The following DPP6 variants were observed in gnomAD, a reference collection of about 807,000 sequenced individuals.
DPP6 encodes the protein A-type potassium channel modulatory protein DPP6.
A neutral mutation model predicts 122.6 loss-of-function variants in DPP6; 69 were observed. That is an observed-to-expected ratio of 0.56 (90% CI 0.46 to 0.69). DPP6 has a LOEUF of 0.69. Ranked by LOEUF, DPP6 falls within the 30% of genes least tolerant of loss-of-function variation. The probability of loss-of-function intolerance (pLI) is 0.00; values close to 1 mark genes in which losing one functional copy is unlikely to be tolerated. For synonymous variants in DPP6, 418 were observed against 433.1 expected, an observed-to-expected ratio of 0.97 and a Z score of 0.43; for missense variants, 928 against 1,116.9, an observed-to-expected ratio of 0.83 and a Z score of 2.41.
chr7:154,159,237 G>T (rs1434818374), intron 1 of DPP6, among the ~76,000 whole-genome samples: 1 of 152,126 alleles, frequency 6.6e-6, no homozygotes, highest in Non-Finnish European at 1.5e-5. Context: ...GCCTCTTCTT[G>T]GCGTTCATCC....
chr7:153,983,571 G>A (rs1379737060), intron 1 of DPP6, among the ~76,000 whole-genome samples: 4 of 152,044 alleles, frequency 2.6e-5, no homozygotes, highest in Admixed American at 6.6e-5. Context: ...TGTCTCACTG[G>A]TGTTCCAGGA....
At chr7:154,594,161 G>T (rs182540693) in intron 5 of DPP6, among the ~76,000 whole-genome samples, 1 of 152,290 alleles carries the variant, frequency 6.6e-6, no homozygotes, top group Admixed American at 6.5e-5. Context: ...GCCCCTCATG[G>T]AGGATCTTCT....
chr7:154,394,271 G>C (rs1298552905), intron 1 of DPP6, among the ~76,000 whole-genome samples: 1 of 152,060 alleles, frequency 6.6e-6, no homozygotes, highest in African/African-American at 2.4e-5. Flanking sequence ...TTGTTTGTTT[G>C]TTTTTAACAG....
chr7:154,603,656 CAAAAA>C (rs779501891), intron 5 of DPP6, among the ~76,000 whole-genome samples: 4 of 24,986 alleles, frequency 1.6e-4, no homozygotes, highest in African/African-American at 3.3e-4. Flanking sequence ...AACTCTGTCT[CAAAAA>C]AAAAAAAAAA....
chr7:154,561,267 T>C (rs1830410141), intron 4 of DPP6, among the ~76,000 whole-genome samples: 2 of 152,224 alleles, frequency 1.3e-5, no homozygotes, highest in Non-Finnish European at 2.9e-5. Flanking sequence ...TTGACATGTG[T>C]GCATCACATC....
At chr7:154,561,187 G>A (rs1830402589) in intron 4 of DPP6, among the ~76,000 whole-genome samples, 1 of 152,044 alleles carries the variant, frequency 6.6e-6, no homozygotes, top group African/African-American at 2.4e-5. Context: ...CTGAGTAATT[G>A]ATAGACTATG....
At chr7:154,627,446 C>CCTCG (rs1478842932) in intron 5 of DPP6, among the ~76,000 whole-genome samples, 2 of 151,956 alleles carry the variant, frequency 1.3e-5, no homozygotes, top group Admixed American at 1.3e-4. Context: ...GATCCACCTG[C>CCTCG]CTCGGCCTCC....
At position 154,060,477 on chromosome 7, in the gene DPP6, T is replaced by C. The variant is rs1433478421; in HGVS notation, c.243+7414T>C. ...CCTCTTCCCCCTCTGGCTTAGGACC[T>C]CCATCGTTGATCCTAAGATCCTTAG... On this transcript the variant is annotated intron_variant, in intron 1 of 25. Coordinates refer to ENST00000377770, the MANE Select transcript of DPP6 (RefSeq NM_130797.4). 2.3e-3 allele frequency among the ~76,000 whole-genome samples: 273 copies of C among 118,274 alleles called. 25 individuals carry two copies. The highest frequency in any genetic ancestry group is 3.6e-3 in the Admixed American group (41 of 11,542). The allele number at this position is 118,274 out of a possible 152,430, so 77.6% of individuals were successfully genotyped here. A position where few individuals can be genotyped will look rare whatever the true frequency, so the allele number is the denominator to read the frequency against.
intron 1 of DPP6, among the ~76,000 whole-genome samples, chr7:154,108,359 A>G (rs1806319619): frequency 2.0e-5 from 3 of 152,310 alleles, no homozygotes; most frequent in Admixed American, 6.5e-5. Flanking sequence ...GATGTAGGCA[A>G]ATGTCATGAA....
intron 6 of DPP6, among the ~76,000 whole-genome samples, chr7:154,643,437 A>G (rs1178952963): frequency 6.6e-6 from 1 of 151,510 alleles, no homozygotes; most frequent in Non-Finnish European, 1.5e-5. Context: ...ATATAATAAA[A>G]TGTTATAAAG....
At chr7:154,119,941 G>A (rs941506689) in intron 1 of DPP6, among the ~76,000 whole-genome samples, 4 of 151,280 alleles carry the variant, frequency 2.6e-5, no homozygotes, top group Non-Finnish European at 4.4e-5. Context: ...TTTATTTCCC[G>A]ATTTCCAGCC....
chr7:154,776,428 A>G (rs1362687982), intron 10 of DPP6, among the ~76,000 whole-genome samples: 1 of 152,142 alleles, frequency 6.6e-6, no homozygotes, highest in African/African-American at 2.4e-5. Context: ...GACTTCCCTG[A>G]TAACCACATT....
intron 1 of DPP6, among the ~76,000 whole-genome samples, chr7:154,031,372 G>A (rs1799219961): frequency 6.6e-6 from 1 of 150,410 alleles, no homozygotes; most frequent in African/African-American, 2.5e-5. Context: ...CCAGGGGCCT[G>A]TGAACTTAAA....
chr7:154,313,715 A>ATATATATG (rs1563460487), intron 1 of DPP6, among the ~76,000 whole-genome samples: 1 of 35,808 alleles, frequency 2.8e-5, no homozygotes, highest in Admixed American at 3.0e-4. Flanking sequence ...ATATATATAT[A>ATATATATG]CACACACACG....
intron 1 of DPP6, among the ~76,000 whole-genome samples, chr7:154,204,783 T>TTGTATG (rs1554490433): frequency 1.3e-5 from 2 of 150,868 alleles, no homozygotes; most frequent in Admixed American, 6.6e-5. Flanking sequence ...CTTGATGACC[T>TTGTATG]TGTGTGTGTG....
upstream of DPP6, among the ~76,000 whole-genome samples, chr7:153,886,258 G>A (rs949082991): frequency 6.6e-6 from 1 of 152,164 alleles, no homozygotes; most frequent in African/African-American, 2.4e-5. Context: ...GCGCGCATCT[G>A]TGTGTGGTCC....
chr7:154,668,088 A>G (rs1238638793), intron 6 of DPP6, among the ~76,000 whole-genome samples: 1 of 147,788 alleles, frequency 6.8e-6, no homozygotes, highest in Non-Finnish European at 1.5e-5. Flanking sequence ...TTCCTGCCTC[A>G]TCTCCTTTGT....
chr7:154,208,864 A>G (rs996890421), intron 1 of DPP6, among the ~76,000 whole-genome samples: 1 of 152,212 alleles, frequency 6.6e-6, no homozygotes, highest in Non-Finnish European at 1.5e-5. Context: ...ATCAGAATTT[A>G]GAACATATTA....
At chr7:154,164,929 A>C (rs983736241) in intron 1 of DPP6, among the ~76,000 whole-genome samples, 1 of 152,110 alleles carries the variant, frequency 6.6e-6, no homozygotes, top group Non-Finnish European at 1.5e-5. Flanking sequence ...ATGAACTGTT[A>C]TGCTCAAGTT....
Sources: allele counts gnomAD v4.1 joint callset (sites outside exome capture counted in the v4.1 genomes callset), GRCh38; gene constraint gnomAD v4.1.1; transcripts MANE v1.5; gene names NCBI Gene and HGNC (gene_info 2026-07-23, HGNC 2026-07-21).